LRRC27: variants seen among roughly 807,000 people sequenced by gnomAD.
LRRC27 encodes the protein leucine-rich repeat-containing protein 27.
A neutral mutation model predicts 55.0 loss-of-function variants in LRRC27; 57 were observed. That is an observed-to-expected ratio of 1.04 (90% CI 0.84 to 1.29). The LOEUF (loss-of-function observed/expected upper bound fraction) is 1.29, where lower values mean the gene tolerates loss of function less well. LRRC27 is among the 50% of genes most tolerant of loss of function. The pLI is 0.00. For missense variants in LRRC27, 721 were observed against 651.5 expected (o/e 1.11, Z -1.16); for synonymous variants, 278 against 251.9 (o/e 1.10, Z -0.98).
At chr10:132,351,835 C>T (rs2068029313) in intron 7 of LRRC27, 82 bp downstream of exon 7, 4 of 1,462,972 alleles carry the variant, frequency 2.7e-6, no homozygotes, top group East Asian at 2.3e-5. Context: ...TATGGCAGGC[C>T]TCGTGGAAGT....
chr10:132,330,367 C>G, upstream of LRRC27: 1 of 703,668 alleles, frequency 1.4e-6, no homozygotes, highest in Non-Finnish European at 2.7e-6. Context: ...GTGCTGAAAT[C>G]TTCCATCCCC....
upstream of LRRC27, chr10:132,331,689 A>G: frequency 6.2e-7 from 1 of 1,612,776 alleles, no homozygotes; most frequent in Non-Finnish European, 8.5e-7. Flanking sequence ...GTCCTCGAGC[A>G]GCCCCGCCCG....
At chr10:132,369,173 A>G (rs2069160662) in intron 10 of LRRC27, among the ~76,000 whole-genome samples, 1 of 152,256 alleles carries the variant, frequency 6.6e-6, no homozygotes, top group South Asian at 2.1e-4. Flanking sequence ...ATTGTTGGGA[A>G]TAGAAAATGG....
chr10:132,368,501 A>G (rs1262092811), intron 10 of LRRC27, among the ~76,000 whole-genome samples: 1 of 152,222 alleles, frequency 6.6e-6, no homozygotes, highest in Non-Finnish European at 1.5e-5. Flanking sequence ...AAATAGACCC[A>G]CACAAATATA....
At position 132,372,540 on chromosome 10, in the gene LRRC27, C is replaced by G. The variant is rs2069243067; in HGVS notation, c.1417-2526C>G. ...CTGAGATGGCACCATCGCACTCCAG[C>G]CTGGGCAACAAGAGCGAAACTCCAT... On this transcript the variant is annotated intron_variant, in intron 10 of 10. Transcript: ENST00000368614. The surrounding 1 kb of genome is among the most constrained non-coding windows in gnomAD (Gnocchi z 4.0). 6.6e-6 allele frequency among the ~76,000 whole-genome samples: 1 copy of G among 152,206 alleles called. No individual in the cohort carries two copies. Among genetic ancestry groups the G allele is most frequent in the East Asian group, 1.9e-4 (1 of 5,192 alleles).
At chr10:132,371,020 G>A (rs1463598129) in intron 10 of LRRC27, among the ~76,000 whole-genome samples, 2 of 152,266 alleles carry the variant, frequency 1.3e-5, no homozygotes, top group East Asian at 3.8e-4. Flanking sequence ...CCAGCCTGCC[G>A]TATGGAGGCG....
chr10:132,337,161 T>C, intron 2 of LRRC27: 1 of 1,185,130 alleles, frequency 8.4e-7, no homozygotes, highest in Non-Finnish European at 1.0e-6. Flanking sequence ...TGGCTCTGGC[T>C]ATTTGCTCAG....
At chr10:132,354,476 G>A (rs2068216771) in intron 7 of LRRC27, among the ~76,000 whole-genome samples, 1 of 152,158 alleles carries the variant, frequency 6.6e-6, no homozygotes, top group South Asian at 2.1e-4. Flanking sequence ...GTGGGGACAC[G>A]GGGGGCACCA....
upstream of LRRC27, chr10:132,332,059 A>G: frequency 5.1e-6 from 1 of 195,884 alleles, no homozygotes; most frequent in South Asian, 1.1e-4. Context: ...AACCCCCACA[A>G]CACGCACACC....
Position 132,381,151 on chromosome 10 carries a change from C to T in LRRC27, c.*5909C>T, listed in dbSNP as rs1369261444. Among the ~76,000 whole-genome samples the T allele has an allele frequency of 6.6e-6, 1 of 152,208 alleles. No individual in the cohort carries two copies. Among genetic ancestry groups the T allele is most frequent in the Non-Finnish European group, 1.5e-5 (1 of 68,036 alleles). On this transcript the variant is annotated 3_prime_UTR_variant, in exon 11 of 11. Transcript: ENST00000368614. ...CACCACAGTGTGGGCAGGCACCATCCAGTCGGCTGCCAGCATGGCTGGAAA... is the reference window on the plus strand; with the variant it reads ...CACCACAGTGTGGGCAGGCACCATCTAGTCGGCTGCCAGCATGGCTGGAAA...
chr10:132,338,145 A>G (rs1165401163), intron 3 of LRRC27, among the ~76,000 whole-genome samples: 3 of 152,016 alleles, frequency 2.0e-5, no homozygotes, highest in Admixed American at 1.3e-4. Flanking sequence ...GCAAAACCCT[A>G]TCTCTAATAA....
chr10:132,336,013 C>G (rs746051840), intron 2 of LRRC27, among the ~76,000 whole-genome samples: 2 of 152,208 alleles, frequency 1.3e-5, no homozygotes, highest in Non-Finnish European at 2.9e-5. Flanking sequence ...GTTTGCTGAC[C>G]TAAGCCAATT....
intron 3 of LRRC27, among the ~76,000 whole-genome samples, chr10:132,339,577 C>T (rs2067303230): frequency 6.6e-6 from 1 of 152,192 alleles, no homozygotes; most frequent in Non-Finnish European, 1.5e-5. Context: ...TTGGGAGCTG[C>T]ATGGGAGCCA....
At chr10:132,347,852 A>T (rs2067795500) in intron 5 of LRRC27, 132 bp from the exon 6 acceptor site, 4 of 1,134,994 alleles carry the variant, frequency 3.5e-6, no homozygotes, top group Non-Finnish European at 5.0e-6. Context: ...GTTTGGATTG[A>T]CAGGGAACGT....
chr10:132,351,731 G>A lies in LRRC27; in HGVS notation c.1051G>A (p.Ala351Thr). The A allele has an allele frequency of 6.2e-7, 1 of 1,613,198 alleles. No homozygotes were observed. Among genetic ancestry groups the A allele is most frequent in the Non-Finnish European group, 8.5e-7 (1 of 1,179,818 alleles). The change falls in exon 7 of 11, where the codon GCT becomes ACT. Residue 351 changes from alanine (A) to threonine (T), a missense_variant. Physicochemically the swap from Ala to Thr is moderately conservative, Grantham distance 58. Transcript: ENST00000368614. ...AALRELQEKQ[A>T]LMEQQRREKR... ...GCTCCGAGAGCTCCAGGAGAAGCAG[G>A]CTCTGATGGAGCAGCAGAGACGGTG...
At chr10:132,342,604 T>C (rs1272911965) in intron 4 of LRRC27, among the ~76,000 whole-genome samples, 1 of 152,200 alleles carries the variant, frequency 6.6e-6, no homozygotes, top group Non-Finnish European at 1.5e-5. Context: ...TCCTGGGAAG[T>C]TTTACCACTT....
At position 132,348,173 on chromosome 10, in the gene LRRC27, A is replaced by C; in HGVS notation, c.743A>C (p.Asp248Ala). ...CTGAGTGAACTCAGGAAGTCTGCGG[A>C]CTCCTCAGAGAACTGGCCCAGCGAG... ...PDLSELRKSA[D>A]SSENWPSEEE... The change falls in exon 6 of 11, where the codon GAC becomes GCC. Residue 248 changes from aspartate to alanine, a missense_variant. By Grantham distance (126) the Asp-to-Ala change is moderately radical. Transcript: ENST00000368614. This position sits in a 1 kb window ranked among gnomAD's most constrained non-coding sequence, Gnocchi z 4.2. 6.2e-7 allele frequency: 1 copy of C among 1,613,928 alleles called. No homozygotes were observed. Among genetic ancestry groups the C allele is most frequent in the South Asian group, 1.1e-5 (1 of 91,074 alleles).
chr10:132,364,269 G>C lies in LRRC27; in HGVS notation c.1290-1155G>C, dbSNP rs114616783. Among the ~76,000 whole-genome samples the C allele has an allele frequency of 4.1e-3, 608 of 147,640 alleles. 4 individuals carry two copies. The highest frequency in any genetic ancestry group is 0.014 in the African/African-American group (582 of 40,206). On this transcript the variant is annotated intron_variant, in intron 9 of 10. Coordinates refer to ENST00000368614, the MANE Select transcript of LRRC27 (RefSeq NM_030626.3). ...TCGGAGAGGCTGAGTGAGACTGTGT[G>C]CCATTGTATTCACAGTGGCGCATGC...
chr10:132,364,445 A>ACACCCGCGCTTACACC lies in LRRC27; in HGVS notation c.1290-974_1290-973insGCGCTTACACCCACCC, dbSNP rs2068854383. Among the ~76,000 whole-genome samples, 6 of 118,260 alleles carry ACACCCGCGCTTACACC rather than the reference A, an allele frequency of 5.1e-5. 1 individual carries two copies. Among genetic ancestry groups the ACACCCGCGCTTACACC allele is most frequent in the African/African-American group, 7.1e-5 (2 of 28,126 alleles). 77.6% of individuals were successfully genotyped at this position (118,260 alleles called of 152,430 possible). On this transcript the variant is annotated intron_variant, in intron 9 of 10. Transcript: ENST00000368614. ...TACACCCACGCTTACATCTACCTCC[A>ACACCCGCGCTTACACC]CACCCACACTCACACCCACCCACAC...
Sources: gnomAD v4.1 joint callset for allele counts (sites outside exome capture counted in the v4.1 genomes callset) on GRCh38, gnomAD v4.1.1 for gene constraint, Gnocchi (gnomAD v3.1) non-coding constraint, MANE v1.5 for transcripts, NCBI Gene and HGNC (gene_info 2026-07-23, HGNC 2026-07-21) for gene names.